MINDY3: variants seen among roughly 807,000 people sequenced by gnomAD.
MINDY3 encodes MINDY lysine 48 deubiquitinase 3.
MINDY3 carries 38 observed loss-of-function variants against 69.2 expected under a neutral mutation model. That is an observed-to-expected ratio of 0.55 (90% CI 0.42 to 0.72). The LOEUF (loss-of-function observed/expected upper bound fraction) is 0.72, where lower values mean the gene tolerates loss of function less well. Among genes scored for constraint, MINDY3 ranks in the 30% least tolerant of loss-of-function variants. MINDY3 has a pLI of 0.00. For synonymous variants in MINDY3, 192 were observed against 180.1 expected (o/e 1.07, Z -0.53); for missense variants, 522 against 519.0 (o/e 1.01, Z -0.06).
chr10:15,817,150 A>G (rs1449517583), intron 9 of MINDY3: 1 of 419,316 alleles, frequency 2.4e-6, no homozygotes, highest in Non-Finnish European at 4.2e-6. Flanking sequence ...AACAATATAG[A>G]TTTAACACAG....
At chr10:15,854,462 A>T (rs1386206905) in intron 1 of MINDY3, among the ~76,000 whole-genome samples, 1 of 152,222 alleles carries the variant, frequency 6.6e-6, no homozygotes, top group East Asian at 1.9e-4. Flanking sequence ...CTAAGTTTTA[A>T]ATTTTTTGAG....
chr10:15,835,171 G>T (rs1459540700), intron 6 of MINDY3, among the ~76,000 whole-genome samples: 1 of 152,038 alleles, frequency 6.6e-6, no homozygotes, highest in Non-Finnish European at 1.5e-5. Context: ...AGGGCAGGAA[G>T]TGCCTTCTTT....
chr10:15,859,067 G>C (rs1192365318), intron 1 of MINDY3, among the ~76,000 whole-genome samples: 1 of 152,160 alleles, frequency 6.6e-6, no homozygotes, highest in Non-Finnish European at 1.5e-5. Context: ...CTTTGGCCCA[G>C]TCATTTACCT....
At chr10:15,821,328 A>G (rs1839744125) in intron 9 of MINDY3, among the ~76,000 whole-genome samples, 2 of 147,644 alleles carry the variant, frequency 1.4e-5, no homozygotes, top group Admixed American at 1.3e-4. Context: ...GGTAATAAAG[A>G]AACAGTGCTT....
chr10:15,853,791 A>G (rs1834486478), intron 1 of MINDY3, among the ~76,000 whole-genome samples: 1 of 151,870 alleles, frequency 6.6e-6, no homozygotes, highest in African/African-American at 2.4e-5. Context: ...AATAAGCTAC[A>G]GTTATTCAGA....
intron 11 of MINDY3, among the ~76,000 whole-genome samples, chr10:15,791,823 G>C (rs531881673): frequency 6.6e-6 from 1 of 152,134 alleles, no homozygotes; most frequent in East Asian, 1.9e-4. Context: ...AACCTGAGTT[G>C]GGCTTTCAAA....
chr10:15,833,307 A>C (rs1325666770), intron 8 of MINDY3, among the ~76,000 whole-genome samples: 1 of 152,226 alleles, frequency 6.6e-6, no homozygotes, highest in Admixed American at 6.5e-5. Flanking sequence ...TTAAGCAAAG[A>C]GTGCAGTAAT....
At chr10:15,837,566 T>C (rs1392941290) in intron 5 of MINDY3, 1 of 1,401,106 alleles carries the variant, frequency 7.1e-7, no homozygotes. Context: ...CTTCATCTCT[T>C]AGGTGAACTG....
At chr10:15,799,998 G>T (rs758859719) in intron 10 of MINDY3, among the ~76,000 whole-genome samples, 3 of 152,108 alleles carry the variant, frequency 2.0e-5, no homozygotes, top group Non-Finnish European at 2.9e-5. Context: ...GAACTAAGAA[G>T]CGAGTACAGT....
At chr10:15,785,280 A>G (rs1836869923) in intron 13 of MINDY3, among the ~76,000 whole-genome samples, 1 of 152,154 alleles carries the variant, frequency 6.6e-6, no homozygotes, top group Admixed American at 6.6e-5. Flanking sequence ...AACAAACAGT[A>G]CAACCAAATG....
chr10:15,814,031 T>G (rs998094351), intron 10 of MINDY3, among the ~76,000 whole-genome samples: 2 of 151,382 alleles, frequency 1.3e-5, no homozygotes, highest in Non-Finnish European at 2.9e-5. Context: ...CCAAAACTGC[T>G]TGCTCAAATG....
At chr10:15,837,663 C>G in intron 5 of MINDY3, 1 of 1,143,372 alleles carries the variant, frequency 8.7e-7, no homozygotes, top group Non-Finnish European at 1.1e-6. Context: ...ACAAAGAAAA[C>G]TTCACTTTTT....
At chr10:15,858,721 GTATAAA>G (rs1460846660) in intron 1 of MINDY3, among the ~76,000 whole-genome samples, 3 of 152,162 alleles carry the variant, frequency 2.0e-5, no homozygotes, top group East Asian at 3.8e-4. Flanking sequence ...TTGCATTACA[GTATAAA>G]TATAAACAGG....
chr10:15,830,253 T>C (rs1280470450), intron 8 of MINDY3, among the ~76,000 whole-genome samples: 1 of 152,190 alleles, frequency 6.6e-6, no homozygotes, highest in African/African-American at 2.4e-5. Flanking sequence ...TGAGAACCAG[T>C]TGTTGATAAG....
intron 8 of MINDY3, among the ~76,000 whole-genome samples, chr10:15,829,090 T>C (rs1415010138): frequency 4.6e-5 from 7 of 152,108 alleles, no homozygotes; most frequent in Non-Finnish European, 8.8e-5. Context: ...AGCAAGAACA[T>C]GTACACAAAG....
intron 9 of MINDY3, among the ~76,000 whole-genome samples, chr10:15,819,790 T>C (rs961187639): frequency 1.3e-5 from 2 of 152,210 alleles, no homozygotes; most frequent in African/African-American, 4.8e-5. Flanking sequence ...AAATCTCATT[T>C]AAAACCATAG....
At position 15,850,682 on chromosome 10, in the gene MINDY3, C is replaced by T. The variant is rs549240951; in HGVS notation, c.95-2739G>A. On this transcript the variant is annotated intron_variant, in intron 1 of 14. Transcript: ENST00000277632. ...GATAAGATGTTATCAATGACAATGC[C>T]GGCCCAGTACAACATGAAACTTCAT... is the stretch of plus-strand genomic sequence containing the variant. Among the ~76,000 whole-genome samples, 15 of 152,244 alleles carry T rather than the reference C, an allele frequency of 9.9e-5. No homozygotes were observed. The South Asian group carries it at 1.5e-3, about 15-fold the overall frequency.
chr10:15,843,146 A>G (rs906086090), intron 3 of MINDY3, 66 bp downstream of exon 3: 2 of 1,295,390 alleles, frequency 1.5e-6, no homozygotes, highest in Non-Finnish European at 2.2e-6. Context: ...ACTTTCTCAG[A>G]TAATTTTAGA....
chr10:15,789,859 C>A (rs1410842616), intron 11 of MINDY3, among the ~76,000 whole-genome samples: 1 of 151,978 alleles, frequency 6.6e-6, no homozygotes, highest in Non-Finnish European at 1.5e-5. Context: ...AAAAACAGCC[C>A]TGAAATGAAG....
Sources: gnomAD v4.1 joint callset for allele counts (sites outside exome capture counted in the v4.1 genomes callset) on GRCh38, gnomAD v4.1.1 for gene constraint, MANE v1.5 for transcripts, NCBI Gene and HGNC (gene_info 2026-07-23, HGNC 2026-07-21) for gene names.